The following BTRC variants were observed in gnomAD, a reference collection of about 807,000 sequenced individuals.
BTRC encodes beta-transducin repeat containing E3 ubiquitin protein ligase, also known as F-box/WD repeat-containing protein 1A.
BTRC carries 42 observed loss-of-function variants against 85.5 expected under a neutral mutation model. The ratio of observed to expected loss-of-function variants is 0.49; its 90% CI spans 0.38 to 0.64. The LOEUF (loss-of-function observed/expected upper bound fraction) is 0.64, where lower values mean the gene tolerates loss of function less well. Among genes scored for constraint, BTRC ranks in the 30% least tolerant of loss-of-function variants. The pLI is 0.00. For missense variants in BTRC, 594 were observed against 743.5 expected, an observed-to-expected ratio of 0.80 and a Z score of 2.34; for synonymous variants, 255 against 263.3, an observed-to-expected ratio of 0.97 and a Z score of 0.30.
intron 1 of BTRC, among the ~76,000 whole-genome samples, chr10:101,417,183 C>A (rs1032981798): frequency 6.6e-6 from 1 of 152,022 alleles, no homozygotes; most frequent in Non-Finnish European, 1.5e-5. Context: ...TCCACAGATC[C>A]CATTCAAGTT....
intron 4 of BTRC, among the ~76,000 whole-genome samples, chr10:101,487,958 T>C (rs1449726832): frequency 6.6e-6 from 1 of 152,232 alleles, no homozygotes. Flanking sequence ...CTTTCCAAAG[T>C]AATGCCACAA....
chr10:101,437,597 G>A (rs771370963), intron 2 of BTRC, among the ~76,000 whole-genome samples: 8 of 152,176 alleles, frequency 5.3e-5, no homozygotes, highest in Non-Finnish European at 1.2e-4. Context: ...AGTAATTTCT[G>A]AATTTCACCT....
At chr10:101,420,864 A>T (rs536687651) in intron 1 of BTRC, among the ~76,000 whole-genome samples, 1 of 151,836 alleles carries the variant, frequency 6.6e-6, no homozygotes, top group Non-Finnish European at 1.5e-5. Context: ...TTTATTTTTG[A>T]AAAACTCACT....
chr10:101,481,729 G>A (rs939710273), intron 4 of BTRC, among the ~76,000 whole-genome samples: 1 of 152,266 alleles, frequency 6.6e-6, no homozygotes, highest in South Asian at 2.1e-4. Flanking sequence ...TTGCTCCCAG[G>A]TGGTGACCTT....
intron 4 of BTRC, among the ~76,000 whole-genome samples, chr10:101,502,681 CACA>C (rs1946425774): frequency 6.6e-6 from 1 of 152,040 alleles, no homozygotes; most frequent in Non-Finnish European, 1.5e-5. Context: ...ATGTTTACAC[CACA>C]AGACATTTTA....
Position 101,430,446 on chromosome 10 carries a change from T to C in BTRC, c.150T>C (p.Ala50=). Residue 50 remains alanine, a synonymous_variant, in exon 2 of 15, where the codon GCT becomes GCC. Transcript: ENST00000370187. The part of the protein sequence containing the change: ...LYNPGTGALT[A]FQNSSEREDC... ...ACCCAGGGACTGGCGCACTCACAGC[T>C]TTCCAGGTACTTTCTCTGTCTCTGT... 1 of 1,613,702 alleles carries C rather than the reference T, an allele frequency of 6.2e-7. No individual in the cohort carries two copies. Among genetic ancestry groups the C allele is most frequent in the East Asian group, 2.2e-5 (1 of 44,870 alleles).
intron 7 of BTRC, among the ~76,000 whole-genome samples, chr10:101,531,663 G>A (rs934702321): frequency 1.3e-5 from 2 of 152,130 alleles, no homozygotes; most frequent in Non-Finnish European, 2.9e-5. Flanking sequence ...ACATGTTGCA[G>A]TGAGCCAAGA....
chr10:101,446,154 A>G (rs1223250802), intron 2 of BTRC, among the ~76,000 whole-genome samples: 6 of 131,790 alleles, frequency 4.6e-5, no homozygotes, highest in African/African-American at 1.7e-4. Flanking sequence ...TAAAACAGAT[A>G]TGTTCTAGGT....
chr10:101,361,744 A>G (rs934424509), intron 1 of BTRC, among the ~76,000 whole-genome samples: 2 of 152,200 alleles, frequency 1.3e-5, no homozygotes, highest in African/African-American at 4.8e-5. Context: ...GACCAGCTAT[A>G]ACATTGTACA....
At chr10:101,398,071 C>T (rs1469001286) in intron 1 of BTRC, among the ~76,000 whole-genome samples, 1 of 152,120 alleles carries the variant, frequency 6.6e-6, no homozygotes, top group African/African-American at 2.4e-5. Flanking sequence ...GCTGCTTGCA[C>T]AGGTTTTTGT....
intron 1 of BTRC, among the ~76,000 whole-genome samples, chr10:101,386,398 C>T (rs1049441281): frequency 2.0e-5 from 3 of 152,150 alleles, no homozygotes; most frequent in African/African-American, 7.2e-5. Flanking sequence ...GCCTGGGAAA[C>T]ATTTATCTTC....
At chr10:101,552,933 C>T (rs934423971) in intron 14 of BTRC, among the ~76,000 whole-genome samples, 1 of 152,188 alleles carries the variant, frequency 6.6e-6, no homozygotes, top group Middle Eastern at 3.2e-3. Context: ...TTGAACACCA[C>T]AGCCCTGAGC....
rs1217931593 is a variant in BTRC, at chr10:101,383,608, T to C, written c.48+29380T>C. Among the ~76,000 whole-genome samples, 9 of 152,278 alleles carry C rather than the reference T, an allele frequency of 5.9e-5. No homozygotes were observed. In the South Asian group the frequency reaches 1.2e-3, roughly 21 times the overall value. On this transcript the variant is annotated intron_variant, in intron 1 of 14. Transcript: ENST00000370187. ...TTGAATGCCTAGGCCTAGGGAACCC[T>C]CTCGCCTCAGCCTTCTAAAGTGCTG...
intron 1 of BTRC, among the ~76,000 whole-genome samples, chr10:101,358,847 C>A (rs1287465167): frequency 6.6e-6 from 1 of 152,110 alleles, no homozygotes; most frequent in African/African-American, 2.4e-5. Context: ...AGGCCAACTA[C>A]AGAGGGAGGA....
intron 3 of BTRC, among the ~76,000 whole-genome samples, chr10:101,467,888 AT>A (rs1246222121): frequency 6.6e-6 from 1 of 152,184 alleles, no homozygotes; most frequent in Non-Finnish European, 1.5e-5. Flanking sequence ...AATTGTACTT[AT>A]TTTAAATAGT....
intron 14 of BTRC, 163 bp downstream of exon 14, chr10:101,551,054 G>A: frequency 3.5e-6 from 2 of 573,924 alleles, no homozygotes; most frequent in African/African-American, 1.9e-5. Flanking sequence ...CCACAGTGTG[G>A]ACAGTGCCTT....
intron 4 of BTRC, among the ~76,000 whole-genome samples, chr10:101,488,913 A>T (rs1330023111): frequency 1.3e-5 from 2 of 152,124 alleles, no homozygotes; most frequent in Non-Finnish European, 1.5e-5. Flanking sequence ...TTTTCACAAT[A>T]TTTATAACTA....
At chr10:101,432,514 GT>G (rs1944429182) in intron 2 of BTRC, among the ~76,000 whole-genome samples, 1 of 152,012 alleles carries the variant, frequency 6.6e-6, no homozygotes, top group Non-Finnish European at 1.5e-5. Flanking sequence ...TTTTTGTTTT[GT>G]TTTGTTTTTT....
intron 1 of BTRC, among the ~76,000 whole-genome samples, chr10:101,375,155 G>T (rs1465487713): frequency 6.6e-6 from 1 of 152,190 alleles, no homozygotes; most frequent in Admixed American, 6.5e-5. Context: ...TTGGAGGTGG[G>T]GCCTGGTAGG....
Sources: allele counts gnomAD v4.1 joint callset (sites outside exome capture counted in the v4.1 genomes callset), GRCh38; gene constraint gnomAD v4.1.1; transcripts MANE v1.5; gene names NCBI Gene and HGNC (gene_info 2026-07-23, HGNC 2026-07-21).